Variants in DYSF observed in about 807,000 individuals in gnomAD.
The protein encoded by DYSF is dysferlin.
Under a neutral mutation model 274.9 loss-of-function variants are expected in DYSF, and 212 were observed. The observed-to-expected ratio is 0.77, with a 90% CI of 0.69 to 0.86. The LOEUF is 0.86. DYSF is among the 40% of genes least tolerant of loss of function. DYSF has a pLI of 0.00. For missense variants in DYSF, 2,666 were observed against 2,783.2 expected (o/e 0.96, Z 0.95); for synonymous variants, 1,091 against 1,078.7 (o/e 1.01, Z -0.22).
At chr2:71,600,993 G>C in intron 34 of DYSF, 151 bp downstream of exon 34, 1 of 1,024,662 alleles carries the variant, frequency 9.8e-7, no homozygotes, top group East Asian at 2.6e-5. Flanking sequence ...ATCTAACATC[G>C]GAATAGAATT....
chr2:71,633,415 C>T (rs186477693), intron 41 of DYSF, among the ~76,000 whole-genome samples: 80 of 152,290 alleles, frequency 5.3e-4, no homozygotes, highest in Non-Finnish European at 8.8e-4. Flanking sequence ...GATTCCAGTA[C>T]TACAGATGTA....
chr2:71,652,521 G>A (rs1299605079), intron 42 of DYSF, among the ~76,000 whole-genome samples: 2 of 152,102 alleles, frequency 1.3e-5, no homozygotes, highest in Non-Finnish European at 2.9e-5. Flanking sequence ...TAAACACATA[G>A]GCTCTGTATG....
chr2:71,526,440 G>A (rs1485912304), intron 13 of DYSF, 94 bp downstream of exon 13: 1 of 1,517,500 alleles, frequency 6.6e-7, no homozygotes, highest in Non-Finnish European at 8.9e-7. Context: ...TCAGCTCCCT[G>A]GGGGAAGGAG....
rs191591811 is a variant in DYSF at position 71,547,659 on chromosome 2, A to G, written c.1577-3382A>G. 3.4e-3 allele frequency among the ~76,000 whole-genome samples: 521 copies of G among 152,280 alleles called. 8 individuals are homozygous for G. Among genetic ancestry groups the G allele is most frequent in the Non-Finnish European group, 2.7e-3 (183 of 68,020 alleles). On this transcript the variant is annotated intron_variant, in intron 17 of 55. Transcript: ENST00000410020. ...TGTCTCAATAAATAAATAAATAAAAAGAAAGAAAGAATGGGTGAATTAATG... is the reference window on the plus strand; with the variant it reads ...TGTCTCAATAAATAAATAAATAAAAGGAAAGAAAGAATGGGTGAATTAATG...
intron 32 of DYSF, among the ~76,000 whole-genome samples, chr2:71,596,187 G>A (rs941013218): frequency 2.2e-4 from 33 of 147,178 alleles, no homozygotes; most frequent in Non-Finnish European, 4.1e-4. Context: ...TTGTTTGAAA[G>A]CCACCCCCTC....
At chr2:71,517,394 C>T (rs138229806) in intron 10 of DYSF, among the ~76,000 whole-genome samples, 37 of 152,332 alleles carry the variant, frequency 2.4e-4, no homozygotes, top group African/African-American at 8.7e-4. Flanking sequence ...TCAAGAGAAG[C>T]TATGCCCCAC....
rs1457670996 is a variant in DYSF, at chr2:71,668,873, G to T, written c.5546+31G>T. 5 of 1,606,590 alleles carry T rather than the reference G, an allele frequency of 3.1e-6. No homozygotes were observed. The Admixed American group carries it at 8.4e-5, about 27-fold the overall frequency. ...TTGCCCAGCCACAGGCTCTGAGCTG[G>T]GCTGAGGGGTGGGGGCGTTGCAGCC... is the stretch of plus-strand genomic sequence containing the variant. On this transcript the variant is annotated intron_variant, in intron 49 of 55. Coordinates refer to ENST00000410020, the MANE Select transcript of DYSF (RefSeq NM_001130987.2).
At chr2:71,540,596 CTTAA>C (rs1187910427) in intron 17 of DYSF, among the ~76,000 whole-genome samples, 1 of 151,478 alleles carries the variant, frequency 6.6e-6, no homozygotes, top group East Asian at 1.9e-4. Flanking sequence ...TCATTGTTGC[CTTAA>C]TTTTCATTTT....
At chr2:71,668,649 C>T in intron 48 of DYSF, 105 bp from the exon 49 acceptor site, 2 of 1,108,074 alleles carry the variant, frequency 1.8e-6, no homozygotes, top group Middle Eastern at 2.0e-4. Flanking sequence ...CTGGAAGGGC[C>T]TGGGTTTCTC....
At chr2:71,462,462 G>A (rs182596263), upstream of DYSF, among the ~76,000 whole-genome samples, 14 of 151,746 alleles carry the variant, frequency 9.2e-5, no homozygotes, top group African/African-American at 1.5e-4. Flanking sequence ...GCTTTATCTC[G>A]TTCTCGTTGC....
intron 53 of DYSF, among the ~76,000 whole-genome samples, chr2:71,680,748 A>C (rs2095285555): frequency 6.6e-6 from 1 of 152,270 alleles, no homozygotes; most frequent in Admixed American, 6.5e-5. Flanking sequence ...AGAGAAAATC[A>C]GCTATGATGC....
In DYSF at chr2:71,526,296, G is replaced by A. The variant is rs1224332034; in HGVS notation, c.1226G>A (p.Arg409Gln). 2.5e-6 allele frequency: 4 copies of A among 1,614,086 alleles called. No individual in the cohort carries two copies. The highest frequency in any genetic ancestry group is 1.7e-5 in the Admixed American group (1 of 60,010). The change falls in exon 13 of 56, where the codon CGA (arginine) becomes CAA (glutamine). Residue 409 changes from arginine to glutamine, a missense_variant. Arg to Gln is a conservative substitution (Grantham distance 43, BLOSUM62 1). Transcript: ENST00000410020. ...NLLRPTGVAL[R>Q]GAHFCLKVFR... is the part of the protein sequence containing the mutation. The stretch of plus-strand genomic sequence containing the variant: ...CTCCGGCCCACAGGCGTAGCCCTGC[G>A]AGGAGCCCACTTCTGCCTGAAGGTC...
Position 71,669,658 on chromosome 2 carries a change from C to T in DYSF, c.5696C>T (p.Ser1899Phe). 1.2e-6 allele frequency: 2 copies of T among 1,614,168 alleles called. No individual in the cohort carries two copies. The highest frequency in any genetic ancestry group is 1.7e-6 in the Non-Finnish European group (2 of 1,180,020). Residue 1899 changes from serine to phenylalanine, a missense_variant, in exon 51 of 56, where the codon TCC becomes TTC. This residue lies in a region of DYSF where 1,460 missense variants were observed against 1,502.1 expected (regional missense o/e 0.97). Coordinates refer to ENST00000410020, the MANE Select transcript of DYSF (RefSeq NM_001130987.2). ...CAAAAGACAGACGTGCATTATCGTT[C>T]CCTGGGAGGTGAAGGCAACTTCAAC... ...HKQKTDVHYRSLGGEGNFNWR... is the reference protein window; with the variant it reads ...HKQKTDVHYRFLGGEGNFNWR...
At chr2:71,600,432 A>G (rs2093521097) in intron 33 of DYSF, among the ~76,000 whole-genome samples, 5 of 152,226 alleles carry the variant, frequency 3.3e-5, no homozygotes, top group Admixed American at 3.3e-4. Flanking sequence ...TAGCAGGGCA[A>G]ACACTAGTTG....
intron 40 of DYSF, among the ~76,000 whole-genome samples, chr2:71,617,847 A>G (rs2093934684): frequency 1.2e-5 from 1 of 82,224 alleles, no homozygotes; most frequent in Non-Finnish European, 2.4e-5. Context: ...TGTGTGTGGT[A>G]GAGATGGGGT....
intron 3 of DYSF, among the ~76,000 whole-genome samples, chr2:71,490,911 C>T (rs1465218627): frequency 6.6e-6 from 1 of 152,136 alleles, no homozygotes; most frequent in Non-Finnish European, 1.5e-5. Flanking sequence ...ATCCAGTAAA[C>T]ATCTTTATCC....
intron 41 of DYSF, among the ~76,000 whole-genome samples, chr2:71,632,419 A>T (rs2152910774): frequency 6.6e-6 from 1 of 152,366 alleles, no homozygotes; most frequent in South Asian, 2.1e-4. Flanking sequence ...TTTGGCACAT[A>T]GTAGGTTCCC....
At chr2:71,668,939 C>A in intron 49 of DYSF, 97 bp downstream of exon 49, 1 of 1,408,818 alleles carries the variant, frequency 7.1e-7, no homozygotes, top group Non-Finnish European at 9.8e-7. Context: ...TTCTGCCGGG[C>A]TTCAGGCTAT....
chr2:71,657,132 A>G (rs1390449590), intron 43 of DYSF, among the ~76,000 whole-genome samples: 1 of 152,226 alleles, frequency 6.6e-6, no homozygotes, highest in Non-Finnish European at 1.5e-5. Context: ...GGTATTGGGT[A>G]AATACAGCCA....
Sources: allele counts gnomAD v4.1 joint callset (sites outside exome capture counted in the v4.1 genomes callset), GRCh38; gene constraint gnomAD v4.1.1; regional missense constraint gnomAD v4.1.1; transcripts MANE v1.5; gene names NCBI Gene and HGNC (gene_info 2026-07-23, HGNC 2026-07-21).